The following AFAP1 variants were observed in gnomAD, a reference collection of about 807,000 sequenced individuals.
AFAP1 encodes actin filament associated protein 1, also known as actin filament-associated protein 1.
In AFAP1, 75 loss-of-function variants were observed where a neutral mutation model predicts 93.9. The observed-to-expected ratio is 0.80, with a 90% CI of 0.66 to 0.97. The LOEUF (loss-of-function observed/expected upper bound fraction) is 0.97, where lower values mean the gene tolerates loss of function less well. AFAP1 is among the 50% of genes least tolerant of loss of function. The pLI is 0.00. For synonymous variants in AFAP1, 517 were observed against 430.7 expected (o/e 1.20, Z -2.48); for missense variants, 1,201 against 1,050.8 (o/e 1.14, Z -1.98).
chr4:7,862,924 C>T (rs376704015), intron 3 of AFAP1, among the ~76,000 whole-genome samples: 20 of 152,230 alleles, frequency 1.3e-4, no homozygotes, highest in Admixed American at 5.2e-4. Flanking sequence ...GCACAAACGG[C>T]GCTTATCCAT....
At chr4:7,917,362 A>G (rs1247097322) in intron 1 of AFAP1, among the ~76,000 whole-genome samples, 1 of 152,190 alleles carries the variant, frequency 6.6e-6, no homozygotes, top group African/African-American at 2.4e-5. Context: ...GTACATATAT[A>G]TTTGTAGGTA....
At chr4:7,898,265 G>A (rs1718901948) in intron 1 of AFAP1, among the ~76,000 whole-genome samples, 3 of 152,080 alleles carry the variant, frequency 2.0e-5, no homozygotes, top group Non-Finnish European at 4.4e-5. Flanking sequence ...AAAATTAGCC[G>A]AGCATGGTGG....
In AFAP1 at chr4:7,781,475, A is replaced by G; in HGVS notation, c.1683T>C (p.Ala561=). Residue 561 remains alanine, a synonymous_variant, in exon 13 of 18, where the codon GCT becomes GCC. Transcript: ENST00000420658. ...TGTAATGGTTAGAGGACAGCTTGTC[A>G]GCAGACAGCCTAGAGGCCTTTCTGT... The part of the protein sequence containing the change: ...PADRKASRLS[A]DKLSSNHYKY... 6.4e-7 allele frequency: 1 copy of G among 1,552,202 alleles called. No homozygotes were observed. Among genetic ancestry groups the G allele is most frequent in the Non-Finnish European group, 8.7e-7 (1 of 1,147,094 alleles).
At chr4:7,810,173 C>T (rs1182826974) in intron 8 of AFAP1, among the ~76,000 whole-genome samples, 1 of 152,188 alleles carries the variant, frequency 6.6e-6, no homozygotes, top group East Asian at 1.9e-4. Context: ...TTTCCCTCAA[C>T]TTTTACTTAA....
At chr4:7,853,096 G>A (rs573581106) in intron 4 of AFAP1, among the ~76,000 whole-genome samples, 8 of 152,210 alleles carry the variant, frequency 5.3e-5, no homozygotes, top group African/African-American at 1.9e-4. Context: ...GATAAACTGT[G>A]GTAGTTTTCT....
chr4:7,809,665 G>A lies in AFAP1; in HGVS notation c.1003C>T (p.Pro335Ser). The A allele has an allele frequency of 2.5e-6, 4 of 1,614,072 alleles. No individual in the cohort carries two copies. In the South Asian group the frequency reaches 4.4e-5, roughly 18 times the overall value. ...TKIISLGKKK[P>S]STDEQTSSAE... is the part of the protein sequence containing the mutation. ...GAGGAGGTCTGCTCGTCTGTGGACG[G>A]CTTTTTCTTTCCCAGACTGATGATC... Residue 335 changes from proline to serine, a missense_variant, in exon 9 of 18, where the codon CCG (proline) becomes TCG (serine). Transcript: ENST00000420658.
intron 4 of AFAP1, among the ~76,000 whole-genome samples, chr4:7,848,954 C>G (rs1714118787): frequency 6.6e-6 from 1 of 152,204 alleles, no homozygotes; most frequent in Non-Finnish European, 1.5e-5. Flanking sequence ...CACTGCACAT[C>G]AGGCACATCA....
At chr4:7,902,311 T>A (rs780284269) in intron 1 of AFAP1, among the ~76,000 whole-genome samples, 1 of 152,228 alleles carries the variant, frequency 6.6e-6, no homozygotes, top group East Asian at 1.9e-4. Flanking sequence ...CTGCTTCTCC[T>A]GCCATGCAAA....
At chr4:7,767,889 T>C (rs1191060590) in intron 17 of AFAP1, among the ~76,000 whole-genome samples, 1 of 152,164 alleles carries the variant, frequency 6.6e-6, no homozygotes, top group African/African-American at 2.4e-5. Context: ...GCCTGGGCGA[T>C]ACTGGCCAAA....
chr4:7,849,306 T>G (rs751566099), intron 4 of AFAP1, among the ~76,000 whole-genome samples: 15 of 151,718 alleles, frequency 9.9e-5, no homozygotes, highest in Non-Finnish European at 1.6e-4. Flanking sequence ...TCTCTTGGAG[T>G]TCTAGTTCTG....
chr4:7,799,105 G>C, intron 10 of AFAP1: 1 of 985,194 alleles, frequency 1.0e-6, no homozygotes, highest in Non-Finnish European at 1.2e-6. Context: ...CGTGTTTTAC[G>C]GTGGGTAAAG....
chr4:7,763,876 AG>A (rs1164970234), intron 17 of AFAP1, 85 bp from the exon 18 acceptor site: 12 of 1,394,366 alleles, frequency 8.6e-6, no homozygotes, highest in African/African-American at 1.4e-5. Flanking sequence ...TTCAACTCAG[AG>A]GGGGTGGGTG....
intron 12 of AFAP1, 38 bp downstream of exon 12, chr4:7,786,156 A>G (rs1717235607): frequency 1.3e-6 from 2 of 1,586,728 alleles, no homozygotes; most frequent in East Asian, 2.2e-5. Context: ...CTCGGCCTCT[A>G]ACAAAACCAA....
intron 1 of AFAP1, among the ~76,000 whole-genome samples, chr4:7,880,259 G>A (rs530659068): frequency 1.3e-5 from 2 of 149,564 alleles, no homozygotes; most frequent in African/African-American, 4.9e-5. Flanking sequence ...AGCTAGGAGG[G>A]ACCCTGGAAC....
At chr4:7,878,075 A>C (rs1717619059) in intron 1 of AFAP1, among the ~76,000 whole-genome samples, 1 of 152,232 alleles carries the variant, frequency 6.6e-6, no homozygotes, top group Admixed American at 6.5e-5. Flanking sequence ...GCGCCAAAGC[A>C]AGAAGGGAAG....
At chr4:7,936,660 C>A (rs866817205) in intron 1 of AFAP1, among the ~76,000 whole-genome samples, 21 of 150,704 alleles carry the variant, frequency 1.4e-4, no homozygotes, top group Admixed American at 1.0e-3. Context: ...CGGCTCACTG[C>A]AATCTCTGCC....
chr4:7,809,590 C>T (rs377311800), intron 9 of AFAP1, 24 bp downstream of exon 9: 58 of 1,603,942 alleles, frequency 3.6e-5, no homozygotes, highest in Non-Finnish European at 4.3e-5. Context: ...GCACGCTGCT[C>T]GTCTCCGGGA....
intron 1 of AFAP1, among the ~76,000 whole-genome samples, chr4:7,912,913 T>C (rs1215124395): frequency 6.6e-6 from 1 of 152,130 alleles, no homozygotes; most frequent in Non-Finnish European, 1.5e-5. Context: ...AATGACAAGA[T>C]CATAGCTCAC....
chr4:7,855,446 G>A lies in AFAP1; in HGVS notation c.334+20C>T, dbSNP rs1714937712. The A allele has an allele frequency of 6.5e-7, 1 of 1,546,848 alleles. No homozygotes were observed. Among genetic ancestry groups the A allele is most frequent in the African/African-American group, 1.4e-5 (1 of 73,634 alleles). ...TGCCAATCACAAAGGCAGCATGGCT[G>A]GGCAGGGCTGGCCACTCACTTGATG... is the stretch of plus-strand genomic sequence containing the variant. On this transcript the variant is annotated intron_variant, in intron 4 of 17. Coordinates refer to ENST00000420658, the MANE Select transcript of AFAP1 (RefSeq NM_001134647.2).
Sources: allele counts gnomAD v4.1 joint callset (sites outside exome capture counted in the v4.1 genomes callset), GRCh38; gene constraint gnomAD v4.1.1; transcripts MANE v1.5; gene names NCBI Gene and HGNC (gene_info 2026-07-23, HGNC 2026-07-21).